Variants in EPHB1 observed in about 807,000 individuals in gnomAD.
The protein encoded by EPHB1 is ephrin type-B receptor 1.
EPHB1 carries 30 observed loss-of-function variants against 94.4 expected under a neutral mutation model. The ratio of observed to expected loss-of-function variants is 0.32; its 90% CI spans 0.24 to 0.43. The LOEUF is 0.43. EPHB1 is among the 20% of genes least tolerant of loss of function. The probability of loss-of-function intolerance (pLI) is 1.00; values close to 1 mark genes in which losing one functional copy is unlikely to be tolerated. For missense variants in EPHB1, 1,055 were observed against 1,308.3 expected (o/e 0.81, Z 2.99); for synonymous variants, 522 against 489.1 (o/e 1.07, Z -0.89).
At chr3:134,894,478 G>T (rs2038048477) in intron 1 of EPHB1, among the ~76,000 whole-genome samples, 1 of 152,202 alleles carries the variant, frequency 6.6e-6, no homozygotes, top group South Asian at 2.1e-4. Flanking sequence ...TCCAGGACAG[G>T]TTGCACCTCG....
chr3:135,137,243 T>C (rs1208658202), intron 5 of EPHB1, among the ~76,000 whole-genome samples: 1 of 152,114 alleles, frequency 6.6e-6, no homozygotes, highest in East Asian at 1.9e-4. Context: ...TACAAGGCAA[T>C]AGAGAGTGGT....
At chr3:135,043,919 G>C (rs1472903828) in intron 3 of EPHB1, among the ~76,000 whole-genome samples, 3 of 152,196 alleles carry the variant, frequency 2.0e-5, no homozygotes, top group Non-Finnish European at 4.4e-5. Context: ...TCTTCACACA[G>C]CCCTGCCATG....
intron 14 of EPHB1, 92 bp from the exon 15 acceptor site, chr3:135,249,244 T>C (rs1340565002): frequency 7.0e-7 from 1 of 1,421,788 alleles, no homozygotes; most frequent in East Asian, 2.3e-5. Flanking sequence ...TCAGGGATGC[T>C]GCCTTCCATG....
At chr3:134,896,907 G>A (rs2038096566) in intron 1 of EPHB1, among the ~76,000 whole-genome samples, 1 of 152,246 alleles carries the variant, frequency 6.6e-6, no homozygotes, top group Admixed American at 6.5e-5. Context: ...CTAATGGCGA[G>A]CAAGGGAGCT....
chr3:135,010,487 G>A (rs1010212538), intron 3 of EPHB1, among the ~76,000 whole-genome samples: 1 of 151,680 alleles, frequency 6.6e-6, no homozygotes, highest in East Asian at 1.9e-4. Context: ...TAAGTGCTTG[G>A]GTATTTTGTT....
rs1351824584 is a variant in EPHB1, at chr3:135,133,144, T to C, written c.1297+95T>C. On this transcript the variant is annotated intron_variant, in intron 5 of 15. Coordinates refer to ENST00000398015, the MANE Select transcript of EPHB1 (RefSeq NM_004441.5). ...GCTGCAGCCACACCCATCCTGCCCG[T>C]GTACTGTCAGGCCTCTGCCCAGGAG... The C allele has an allele frequency of 1.7e-5, 22 of 1,258,294 alleles. 1 individual carries two copies. Among genetic ancestry groups the C allele is most frequent in the East Asian group, 1.5e-4 (6 of 40,450 alleles). The allele number at this position is 1,258,294 out of a possible 1,614,324, so 77.9% of individuals were successfully genotyped here.
intron 3 of EPHB1, among the ~76,000 whole-genome samples, chr3:135,009,070 C>A (rs1576313460): frequency 2.0e-5 from 3 of 152,166 alleles, no homozygotes; most frequent in Admixed American, 2.0e-4. Flanking sequence ...ACAGCATAAA[C>A]CCCCATCCCT....
At chr3:135,103,831 C>T (rs1217137594) in intron 3 of EPHB1, among the ~76,000 whole-genome samples, 1 of 152,172 alleles carries the variant, frequency 6.6e-6, no homozygotes, top group African/African-American at 2.4e-5. Context: ...CTCCCCTCCA[C>T]TTCCTCCTCT....
chr3:134,998,960 C>G (rs1277534849), intron 3 of EPHB1, among the ~76,000 whole-genome samples: 2 of 152,082 alleles, frequency 1.3e-5, no homozygotes, highest in African/African-American at 4.8e-5. Context: ...ACAAAGAAGT[C>G]ACAGTCAGAG....
At chr3:135,239,907 A>G (rs952565199) in intron 12 of EPHB1, among the ~76,000 whole-genome samples, 1 of 152,142 alleles carries the variant, frequency 6.6e-6, no homozygotes, top group Non-Finnish European at 1.5e-5. Flanking sequence ...ATAATAGTTA[A>G]CACTGGGCTG....
At chr3:135,115,405 G>A (rs1022208734) in intron 4 of EPHB1, among the ~76,000 whole-genome samples, 1 of 152,178 alleles carries the variant, frequency 6.6e-6, no homozygotes, top group Non-Finnish European at 1.5e-5. Context: ...GCAGTCAGGA[G>A]TGAGTGGCTG....
chr3:134,999,172 G>T (rs1421221261), intron 3 of EPHB1, among the ~76,000 whole-genome samples: 1 of 152,140 alleles, frequency 6.6e-6, no homozygotes, highest in Non-Finnish European at 1.5e-5. Context: ...GGCTGAGTGG[G>T]TTGAGAAAGT....
At chr3:135,057,149 G>T (rs1241457725) in intron 3 of EPHB1, among the ~76,000 whole-genome samples, 1 of 152,184 alleles carries the variant, frequency 6.6e-6, no homozygotes, top group Non-Finnish European at 1.5e-5. Flanking sequence ...GCCTGGGCAA[G>T]CCAAGGCTTC....
intron 1 of EPHB1, among the ~76,000 whole-genome samples, chr3:134,838,538 C>G (rs1183947939): frequency 1.3e-5 from 2 of 152,174 alleles, no homozygotes; most frequent in East Asian, 3.9e-4. Flanking sequence ...GTCACTTCTT[C>G]CTAGTATCTG....
chr3:134,816,510 G>A (rs953709505), intron 1 of EPHB1, among the ~76,000 whole-genome samples: 47 of 152,214 alleles, frequency 3.1e-4, no homozygotes, highest in Admixed American at 2.7e-3. Flanking sequence ...TGTTCGTCCC[G>A]TAAGTGGGGA....
chr3:135,103,431 G>C (rs1428305290), intron 3 of EPHB1, among the ~76,000 whole-genome samples: 2 of 152,186 alleles, frequency 1.3e-5, no homozygotes, highest in African/African-American at 4.8e-5. Flanking sequence ...AATTCTAAAA[G>C]TCCCTGCAAA....
chr3:135,132,580 G>A (rs1339961587), intron 4 of EPHB1, 134 bp from the exon 5 acceptor site: 6 of 697,812 alleles, frequency 8.6e-6, no homozygotes, highest in Middle Eastern at 3.9e-4. Flanking sequence ...TTGAAGCATA[G>A]CCATTTGGGG....
chr3:135,014,956 AC>A (rs1355901686), intron 3 of EPHB1, among the ~76,000 whole-genome samples: 1 of 152,150 alleles, frequency 6.6e-6, no homozygotes, highest in African/African-American at 2.4e-5. Context: ...ATTTCTGGTC[AC>A]AGCCAATCAC....
At chr3:134,975,096 G>A (rs373431441) in intron 3 of EPHB1, among the ~76,000 whole-genome samples, 41 of 152,244 alleles carry the variant, frequency 2.7e-4, no homozygotes, top group Middle Eastern at 3.4e-3. Flanking sequence ...TCAAAAAGCC[G>A]GCATTGATTT....
Sources: allele counts gnomAD v4.1 joint callset (sites outside exome capture counted in the v4.1 genomes callset), GRCh38; gene constraint gnomAD v4.1.1; transcripts MANE v1.5; gene names NCBI Gene and HGNC (gene_info 2026-07-23, HGNC 2026-07-21).